Variants in KDELR2 observed in about 807,000 individuals in gnomAD.
KDELR2 encodes the protein ER lumen protein-retaining receptor 2.
Under a neutral mutation model 23.9 loss-of-function variants are expected in KDELR2, and 15 were observed. That is an observed-to-expected ratio of 0.63 (90% confidence interval 0.42 to 0.97). The LOEUF (loss-of-function observed/expected upper bound fraction) is 0.97. Among genes scored for constraint, KDELR2 ranks in the 50% least tolerant of loss-of-function variants. The probability of loss-of-function intolerance (pLI) is 0.00; values close to 1 mark genes in which losing one functional copy is unlikely to be tolerated. For missense variants in KDELR2, 272 were observed against 254.6 expected, an observed-to-expected ratio of 1.07 and a Z score of -0.46; for synonymous variants, 119 against 106.2, an observed-to-expected ratio of 1.12 and a Z score of -0.74.
intron 1 of KDELR2, among the ~76,000 whole-genome samples, chr7:6,480,721 C>T (rs897348986): frequency 3.3e-5 from 5 of 152,198 alleles, no homozygotes; most frequent in African/African-American, 7.2e-5. Flanking sequence ...TCTGGATGCA[C>T]GTTTCTCCTA....
intron 1 of KDELR2, among the ~76,000 whole-genome samples, chr7:6,476,082 T>C (rs931023056): frequency 6.6e-6 from 1 of 152,178 alleles, no homozygotes; most frequent in Non-Finnish European, 1.5e-5. Context: ...ACCTGGCTAA[T>C]ATTTGTATTA....
At chr7:6,465,761 G>T (rs1287943279) in intron 4 of KDELR2, among the ~76,000 whole-genome samples, 1 of 152,100 alleles carries the variant, frequency 6.6e-6, no homozygotes, top group Non-Finnish European at 1.5e-5. Context: ...GCAGTGTATA[G>T]AACAGCAATG....
intron 3 of KDELR2, among the ~76,000 whole-genome samples, chr7:6,468,385 A>G (rs1054188012): frequency 6.6e-6 from 1 of 152,190 alleles, no homozygotes; most frequent in South Asian, 2.1e-4. Flanking sequence ...GCTGGAGTGC[A>G]GTGGCTCGAT....
intron 1 of KDELR2, 125 bp downstream of exon 1, chr7:6,483,842 C>T: frequency 1.4e-6 from 1 of 718,858 alleles, no homozygotes; most frequent in Non-Finnish European, 1.9e-6. Flanking sequence ...ACCCGTTAGG[C>T]CGGCCGAGGG....
chr7:6,481,233 G>A (rs1010686241), intron 1 of KDELR2, among the ~76,000 whole-genome samples: 2 of 151,942 alleles, frequency 1.3e-5, no homozygotes, highest in Non-Finnish European at 2.9e-5. Context: ...GCCGAGCGTG[G>A]TGGCAAGCGC....
In KDELR2 at chr7:6,461,375, G is replaced by C. The variant is rs1785385654; in HGVS notation, c.*1766C>G. ...TCCAGAGGATGCGCCAGGTGTATCA[G>C]ATTTGCATGCACAAAGACAGGTGTG... On this transcript the variant is annotated 3_prime_UTR_variant, in exon 5 of 5. Transcript: ENST00000258739. The C allele has an allele frequency of 1.3e-5, 2 of 152,060 alleles. No individual in the cohort carries two copies. Among genetic ancestry groups the C allele is most frequent in the African/African-American group, 4.8e-5 (2 of 41,400 alleles). The allele number at this position is 152,060 out of a possible 1,614,324, so 9.4% of individuals were successfully genotyped here. A position where few individuals can be genotyped will look rare whatever the true frequency, so the allele number is the denominator to read the frequency against.
intron 2 of KDELR2, among the ~76,000 whole-genome samples, chr7:6,471,904 CTTTT>C (rs11324108): frequency 1.4e-5 from 2 of 143,950 alleles, no homozygotes; most frequent in Admixed American, 6.9e-5. Context: ...GTAAGTTTAA[CTTTT>C]TTTTTTTTTT....
At position 6,471,133 on chromosome 7, in the gene KDELR2, ATAAAT is replaced by A. The variant is rs772314488; in HGVS notation, c.193-1384_193-1380del. Among the ~76,000 whole-genome samples the A allele has an allele frequency of 5.4e-5, 8 of 148,202 alleles. No individual in the cohort carries two copies. In the South Asian group the frequency reaches 6.3e-4, roughly 12 times the overall value. On this transcript the variant is annotated intron_variant, in intron 2 of 4. Transcript: ENST00000258739. ...CTGTCTCAAAAAAAATAAAAAATAA[ATAAAT>A]AAATAAATAAATAAATGTATAGCTC...
intron 3 of KDELR2, among the ~76,000 whole-genome samples, chr7:6,468,808 T>C (rs1447562648): frequency 6.7e-6 from 1 of 150,244 alleles, no homozygotes; most frequent in African/African-American, 2.4e-5. Flanking sequence ...ATGGCCAGTT[T>C]TTGTATTTCT....
Position 6,467,223 on chromosome 7 carries a change from CA to C in KDELR2, c.352-901del, listed in dbSNP as rs1377259853. ...ATACCAAATCAACCCTGCTTTCCGC[CA>C]GGATTGACAATACTGATAATTGATA... On this transcript the variant is annotated intron_variant, in intron 3 of 4. Transcript: ENST00000258739. Among the ~76,000 whole-genome samples the C allele has an allele frequency of 2.6e-5, 4 of 152,328 alleles. No individual in the cohort carries two copies. In the East Asian group the frequency reaches 7.7e-4, roughly 29 times the overall value.
intron 2 of KDELR2, among the ~76,000 whole-genome samples, chr7:6,471,614 AGT>A (rs1562500391): frequency 3.9e-5 from 6 of 152,130 alleles, no homozygotes; most frequent in Admixed American, 3.3e-4. Context: ...TTCAAGTTGC[AGT>A]GTGTGTTGTT....
At chr7:6,468,220 T>A (rs187471525) in intron 3 of KDELR2, among the ~76,000 whole-genome samples, 1 of 152,306 alleles carries the variant, frequency 6.6e-6, no homozygotes, top group East Asian at 1.9e-4. Context: ...GTCATGAACA[T>A]TGCACTAGAG....
Position 6,462,136 on chromosome 7 carries a change from A to C in KDELR2, c.*1005T>G, listed in dbSNP as rs1416904368. 1 of 152,206 alleles carries C rather than the reference A, an allele frequency of 6.6e-6. No individual in the cohort carries two copies. The highest frequency in any genetic ancestry group is 1.9e-4 in the East Asian group (1 of 5,202). The allele number at this position is 152,206 out of a possible 1,614,324, so 9.4% of individuals were successfully genotyped here. ...TCGGCTGCGGGTTAAATAAAAAGAAAACCACACATACAAAAAAGAATGTAA... is the reference window on the plus strand; with the variant it reads ...TCGGCTGCGGGTTAAATAAAAAGAACACCACACATACAAAAAAGAATGTAA... On this transcript the variant is annotated 3_prime_UTR_variant, in exon 5 of 5. Coordinates refer to ENST00000258739, the MANE Select transcript of KDELR2 (RefSeq NM_006854.4).
Position 6,466,080 on chromosome 7 carries a change from T to C in KDELR2, c.595A>G (p.Ile199Val), listed in dbSNP as rs1308183066. The C allele has an allele frequency of 1.2e-5, 19 of 1,614,006 alleles. No individual in the cohort carries two copies. The highest frequency in any genetic ancestry group is 1.4e-5 in the Non-Finnish European group (17 of 1,179,988). The change falls in exon 4 of 5, where the codon ATT becomes GTT. Residue 199 changes from isoleucine to valine, a missense_variant. Coordinates refer to ENST00000258739, the MANE Select transcript of KDELR2 (RefSeq NM_006854.4). ...ILYCDFFYLY[I>V]TKVLKGKKLS... ...GTCGCACCCAACATACCTTTTGTAATGTACAAGTAGAAGAAGTCACAGTAT... is the reference window on the plus strand; with the variant it reads ...GTCGCACCCAACATACCTTTTGTAACGTACAAGTAGAAGAAGTCACAGTAT...
rs1279405536 is a variant in KDELR2 at position 6,462,399 on chromosome 7, C to A, written c.*742G>T. ...ACACTCAGATGGAAAGCAGCCAGAA[C>A]CCCTGCCACTGGATTCTTCAGCACC... On this transcript the variant is annotated 3_prime_UTR_variant, in exon 5 of 5. Transcript: ENST00000258739. 2 of 152,864 alleles carry A rather than the reference C, an allele frequency of 1.3e-5. No homozygotes were observed. The highest frequency in any genetic ancestry group is 2.4e-5 in the African/African-American group (1 of 41,466). 9.5% of individuals were successfully genotyped at this position (152,864 alleles called of 1,614,324 possible).
At chr7:6,480,301 A>G (rs1227307643) in intron 1 of KDELR2, among the ~76,000 whole-genome samples, 1 of 152,150 alleles carries the variant, frequency 6.6e-6, no homozygotes, top group East Asian at 1.9e-4. Context: ...TTCATCTAAA[A>G]CCACCGCTTG....
At chr7:6,467,289 C>T (rs1206100268) in intron 3 of KDELR2, among the ~76,000 whole-genome samples, 1 of 152,206 alleles carries the variant, frequency 6.6e-6, no homozygotes, top group East Asian at 1.9e-4. Context: ...TCCTCACTGA[C>T]TGATCTTGCC....
intron 1 of KDELR2, among the ~76,000 whole-genome samples, chr7:6,483,709 C>G (rs1378760997): frequency 6.6e-6 from 1 of 152,230 alleles, no homozygotes; most frequent in African/African-American, 2.4e-5. Flanking sequence ...CCCCGCGCAG[C>G]CGGGTGCGCT....
intron 1 of KDELR2, among the ~76,000 whole-genome samples, chr7:6,477,949 G>A (rs915381938): frequency 3.3e-5 from 5 of 151,958 alleles, no homozygotes; most frequent in African/African-American, 4.8e-5. Flanking sequence ...ATTTTAATCC[G>A]TAACCCCAAA....
Sources: gnomAD v4.1 joint callset for allele counts (sites outside exome capture counted in the v4.1 genomes callset) on GRCh38, gnomAD v4.1.1 for gene constraint, MANE v1.5 for transcripts, NCBI Gene and HGNC (gene_info 2026-07-23, HGNC 2026-07-21) for gene names.